Variants in GPR55 observed in about 807,000 individuals in gnomAD.
The protein encoded by GPR55 is G protein-coupled receptor 55.
A neutral mutation model predicts 7.9 loss-of-function variants in GPR55; 6 were observed. The observed-to-expected ratio is 0.76, with a 90% CI of 0.41 to 1.49. The LOEUF (loss-of-function observed/expected upper bound fraction) is 1.49, where lower values mean the gene tolerates loss of function less well. Ranked by LOEUF, GPR55 falls within the 40% of genes most tolerant of loss-of-function variation. The probability of loss-of-function intolerance (pLI) is 0.01; values close to 1 mark genes in which losing one functional copy is unlikely to be tolerated. For synonymous variants in GPR55, 183 were observed against 166.8 expected (o/e 1.10, Z -0.75); for missense variants, 376 against 406.0 (o/e 0.93, Z 0.63).
At chr2:230,935,595 C>T (rs1691120599) in intron 1 of GPR55, among the ~76,000 whole-genome samples, 1 of 152,178 alleles carries the variant, frequency 6.6e-6, no homozygotes, top group Admixed American at 6.5e-5. Flanking sequence ...CCCAGAGATT[C>T]ACATGTGCAT....
intron 1 of GPR55, among the ~76,000 whole-genome samples, chr2:230,919,190 A>G (rs576738880): frequency 1.5e-4 from 23 of 152,166 alleles, no homozygotes; most frequent in Non-Finnish European, 2.8e-4. Flanking sequence ...ATCAAATCAT[A>G]GAAAAACTAG....
At position 230,924,211 on chromosome 2, in the gene GPR55, G is replaced by A. The variant is rs1690900265; in HGVS notation, c.-135+957C>T. Among the ~76,000 whole-genome samples, 1 of 152,184 alleles carries A rather than the reference G, an allele frequency of 6.6e-6. No homozygotes were observed. Among genetic ancestry groups the A allele is most frequent in the South Asian group, 2.1e-4 (1 of 4,828 alleles). ...TGAAAGAGGGGGTGAAGAAATGACG[G>A]AACAAATGGCCAGGTCTGCTGCAGC... On this transcript the variant is annotated intron_variant, in intron 1 of 1. Coordinates refer to ENST00000650999, the MANE Select transcript of GPR55 (RefSeq NM_005683.4). This position sits in a 1 kb window ranked among gnomAD's most constrained non-coding sequence, Gnocchi z 4.5.
rs564182316 is a variant in GPR55 at position 230,958,854 on chromosome 2, G to T, written c.-135+1921C>A. ...TATTTTCTGAATCAGTTATAACGAG[G>T]GTCTTTACAAAATAGTGATAATCTA... On this transcript the variant is annotated intron_variant, in intron 1 of 1. Coordinates refer to the GPR55 transcript ENST00000392039. Among the ~76,000 whole-genome samples, 65 of 152,162 alleles carry T rather than the reference G, an allele frequency of 4.3e-4. No homozygotes were observed. The South Asian group carries it at 0.013, about 31-fold the overall frequency.
In GPR55 at chr2:230,923,977, C is replaced by T. The variant is rs1690895124; in HGVS notation, c.-135+1191G>A. Among the ~76,000 whole-genome samples the T allele has an allele frequency of 6.6e-6, 1 of 152,040 alleles. No homozygotes were observed. Among genetic ancestry groups the T allele is most frequent in the Admixed American group, 6.5e-5 (1 of 15,274 alleles). On this transcript the variant is annotated intron_variant, in intron 1 of 1. Transcript: ENST00000650999. The surrounding 1 kb of genome is among the most constrained non-coding windows in gnomAD (Gnocchi z 4.1). Reference sequence around the variant, plus strand: ...CCACTGCTAAAAATCCCACCTCTTCCTTGAAATGCCCACTTCCCAGGTTCA... The same window carrying T: ...CCACTGCTAAAAATCCCACCTCTTCTTTGAAATGCCCACTTCCCAGGTTCA...
chr2:230,913,065 G>A (rs1393196712), intron 1 of GPR55, among the ~76,000 whole-genome samples: 2 of 152,276 alleles, frequency 1.3e-5, no homozygotes, highest in South Asian at 2.1e-4. Flanking sequence ...GCTCATCAAT[G>A]TTTCTTGGAC....
intron 1 of GPR55, among the ~76,000 whole-genome samples, chr2:230,949,761 C>T (rs1320426610): frequency 6.6e-6 from 1 of 152,072 alleles, no homozygotes; most frequent in East Asian, 1.9e-4. Context: ...ATAGGAGAGG[C>T]CAACCATCTT....
At chr2:230,960,605 GCT>G (rs1559182718) in intron 1 of GPR55, among the ~76,000 whole-genome samples, 1 of 152,126 alleles carries the variant, frequency 6.6e-6, no homozygotes, top group Admixed American at 6.5e-5. Context: ...CCGTAAGACA[GCT>G]CTCACAGTAA....
In GPR55 at chr2:230,907,589, C is replaced by T. The variant is rs1438819295; in HGVS notation, c.*2414G>A. The T allele has an allele frequency of 1.3e-5, 2 of 152,210 alleles. No individual in the cohort carries two copies. Among genetic ancestry groups the T allele is most frequent in the African/African-American group, 2.4e-5 (1 of 41,394 alleles). 9.4% of individuals were successfully genotyped at this position (152,210 alleles called of 1,614,324 possible). ...AGTGTTTTGGGATGGGTCAGGGGTCCCCAGGGCACACCCACAGGTCCATAG... is the reference window on the plus strand; with the variant it reads ...AGTGTTTTGGGATGGGTCAGGGGTCTCCAGGGCACACCCACAGGTCCATAG... On this transcript the variant is annotated 3_prime_UTR_variant, in exon 2 of 2. Coordinates refer to ENST00000650999, the MANE Select transcript of GPR55 (RefSeq NM_005683.4).
At chr2:230,950,474 G>T (rs73995423) in intron 1 of GPR55, among the ~76,000 whole-genome samples, 1 of 151,562 alleles carries the variant, frequency 6.6e-6, no homozygotes, top group East Asian at 1.9e-4. Context: ...CTTCTTTCCC[G>T]CACTCCAGCC....
At chr2:230,913,789 A>G (rs1690649783) in intron 1 of GPR55, among the ~76,000 whole-genome samples, 1 of 152,240 alleles carries the variant, frequency 6.6e-6, no homozygotes, top group Admixed American at 6.5e-5. Context: ...GTCAAAGCCC[A>G]GTTCAAGTCT....
At chr2:230,957,169 C>G (rs1173006988) in intron 1 of GPR55, among the ~76,000 whole-genome samples, 1 of 152,198 alleles carries the variant, frequency 6.6e-6, no homozygotes, top group African/African-American at 2.4e-5. Context: ...AAATTTTATT[C>G]TGACCATAGA....
rs562316736 is a variant in GPR55, at chr2:230,907,535, C to G, written c.*2468G>C. 1 of 152,370 alleles carries G rather than the reference C, an allele frequency of 6.6e-6. No homozygotes were observed. Among genetic ancestry groups the G allele is most frequent in the African/African-American group, 2.4e-5 (1 of 41,536 alleles). The allele number at this position is 152,370 out of a possible 1,614,324, so 9.4% of individuals were successfully genotyped here. A position where few individuals can be genotyped will look rare whatever the true frequency, so the allele number is the denominator to read the frequency against. On this transcript the variant is annotated 3_prime_UTR_variant, in exon 2 of 2. Transcript: ENST00000650999. ...TGTGCCCGCTCCCACAGACACGGGTCCCCACGGAGAAGAGGCCCTTCTTTC... is the reference window on the plus strand; with the variant it reads ...TGTGCCCGCTCCCACAGACACGGGTGCCCACGGAGAAGAGGCCCTTCTTTC...
At chr2:230,913,190 A>C (rs1030066419) in intron 1 of GPR55, among the ~76,000 whole-genome samples, 1 of 152,208 alleles carries the variant, frequency 6.6e-6, no homozygotes, top group South Asian at 2.1e-4. Flanking sequence ...GTATTTTACC[A>C]GGAAACAATG....
chr2:230,915,954 G>A lies in GPR55; in HGVS notation c.-134-4858C>T, dbSNP rs560771641. Among the ~76,000 whole-genome samples the A allele has an allele frequency of 2.4e-4, 36 of 152,058 alleles. 2 individuals are homozygous for A. The South Asian group carries it at 7.5e-3, about 32-fold the overall frequency. On this transcript the variant is annotated intron_variant, in intron 1 of 1. Coordinates refer to ENST00000650999, the MANE Select transcript of GPR55 (RefSeq NM_005683.4). ...GAGATCATCACTAAGAAGAGTGCAA[G>A]GATGAAAACATCAAGGTAGAAAAGC...
rs1461867351 is a variant in GPR55, at chr2:230,944,835, C to G, written c.-135+15940G>C. On this transcript the variant is annotated intron_variant, in intron 1 of 1. Coordinates refer to the GPR55 transcript ENST00000392039. The surrounding 1 kb of genome is among the most constrained non-coding windows in gnomAD (Gnocchi z 4.2). ...ACAAGGAAGGCCCATTGCCTGCCCT[C>G]ATGCTGGTTGTTCAGCCCTCCAAGA... Among the ~76,000 whole-genome samples the G allele has an allele frequency of 6.6e-6, 1 of 152,258 alleles. No individual in the cohort carries two copies. Among genetic ancestry groups the G allele is most frequent in the Non-Finnish European group, 1.5e-5 (1 of 68,046 alleles).
intron 1 of GPR55, among the ~76,000 whole-genome samples, chr2:230,920,865 CA>C (rs1454086786): frequency 4.6e-5 from 7 of 151,846 alleles, no homozygotes; most frequent in African/African-American, 7.3e-5. Flanking sequence ...AATTTATAAA[CA>C]ATTGTTAATA....
At chr2:230,933,202 G>A (rs1210102247) in intron 1 of GPR55, among the ~76,000 whole-genome samples, 4 of 143,512 alleles carry the variant, frequency 2.8e-5, no homozygotes, top group Admixed American at 7.1e-5. Flanking sequence ...CCTTCCCTCC[G>A]CCCTCTCTGC....
At chr2:230,913,630 A>G (rs1206546462) in intron 1 of GPR55, among the ~76,000 whole-genome samples, 1 of 151,954 alleles carries the variant, frequency 6.6e-6, no homozygotes, top group Non-Finnish European at 1.5e-5. Flanking sequence ...TGTAGGAGTA[A>G]CTGGTCCTAC....
Position 230,910,389 on chromosome 2 carries a change from G to T in GPR55, c.574C>A (p.Leu192Ile), listed in dbSNP as rs1290951640. Residue 192 changes from leucine (L) to isoleucine (I), a missense_variant, in exon 2 of 2, where the codon CTT becomes ATT. Coordinates refer to ENST00000650999, the MANE Select transcript of GPR55 (RefSeq NM_005683.4). This position sits in a 1 kb window ranked among gnomAD's most constrained non-coding sequence, Gnocchi z 5.4. ...FFPLEVFGFL[L>I]PMGIMGFCCS... ...CAGAAGCCCATGATGCCCATGGGAA[G>T]GAGGAAGCCAAACACCTCCAGCGGG... The T allele has an allele frequency of 6.2e-7, 1 of 1,614,124 alleles. No individual in the cohort carries two copies. The highest frequency in any genetic ancestry group is 1.1e-5 in the South Asian group (1 of 91,072).
Sources: gnomAD v4.1 joint callset for allele counts (sites outside exome capture counted in the v4.1 genomes callset) on GRCh38, gnomAD v4.1.1 for gene constraint, Gnocchi (gnomAD v3.1) non-coding constraint, MANE v1.5 for transcripts, NCBI Gene and HGNC (gene_info 2026-07-23, HGNC 2026-07-21) for gene names.